Variants in GABRG3 observed in about 807,000 individuals in gnomAD.
GABRG3 encodes the protein gamma-aminobutyric acid type A receptor subunit gamma3, also known as gamma-aminobutyric acid receptor subunit gamma-3.
A neutral mutation model predicts 48.8 loss-of-function variants in GABRG3; 25 were observed. The ratio of observed to expected loss-of-function variants is 0.51; its 90% CI spans 0.37 to 0.72. The LOEUF is 0.72. Ranked by LOEUF, GABRG3 falls within the 30% of genes least tolerant of loss-of-function variation. The probability of loss-of-function intolerance (pLI) is 0.00; values close to 1 mark genes in which losing one functional copy is unlikely to be tolerated. For missense variants in GABRG3, 394 were observed against 577.9 expected, an observed-to-expected ratio of 0.68 and a Z score of 3.26; for synonymous variants, 227 against 217.6, an observed-to-expected ratio of 1.04 and a Z score of -0.38.
chr15:27,111,858 C>G (rs926469110), intron 3 of GABRG3, among the ~76,000 whole-genome samples: 2 of 152,126 alleles, frequency 1.3e-5, no homozygotes, highest in Non-Finnish European at 2.9e-5. Flanking sequence ...CCTCCATTCC[C>G]CAGGGTGGGA....
At chr15:27,201,744 G>T (rs1217511172) in intron 3 of GABRG3, among the ~76,000 whole-genome samples, 1 of 151,972 alleles carries the variant, frequency 6.6e-6, no homozygotes, top group Non-Finnish European at 1.5e-5. Context: ...TTTATAATCG[G>T]AACAATAATG....
At chr15:27,426,558 T>C (rs991218953) in intron 5 of GABRG3, among the ~76,000 whole-genome samples, 3 of 152,126 alleles carry the variant, frequency 2.0e-5, no homozygotes, top group African/African-American at 4.8e-5. Context: ...CTCATGCCAG[T>C]AATCCCAGCA....
chr15:27,138,516 C>T (rs1898048400), intron 3 of GABRG3, among the ~76,000 whole-genome samples: 1 of 152,188 alleles, frequency 6.6e-6, no homozygotes, highest in Non-Finnish European at 1.5e-5. Flanking sequence ...TAAAATATGT[C>T]TCCACAGAGT....
chr15:27,098,339 C>T (rs1897300085), intron 3 of GABRG3, among the ~76,000 whole-genome samples: 1 of 152,214 alleles, frequency 6.6e-6, no homozygotes, highest in South Asian at 2.1e-4. Context: ...GAGGCTGATA[C>T]AGGAGAATTG....
chr15:27,214,593 G>T (rs191062518), intron 3 of GABRG3, among the ~76,000 whole-genome samples: 2 of 152,106 alleles, frequency 1.3e-5, no homozygotes, highest in Admixed American at 1.3e-4. Context: ...AAATGAATTA[G>T]AAGGTTAAAT....
At chr15:27,080,210 G>A (rs1160227955) in intron 3 of GABRG3, among the ~76,000 whole-genome samples, 1 of 152,134 alleles carries the variant, frequency 6.6e-6, no homozygotes, top group Admixed American at 6.5e-5. Context: ...CAGCTACTGG[G>A]AAACTGAGGC....
At chr15:27,475,045 G>T (rs570243578) in intron 5 of GABRG3, among the ~76,000 whole-genome samples, 1 of 152,100 alleles carries the variant, frequency 6.6e-6, no homozygotes, top group Non-Finnish European at 1.5e-5. Context: ...CAGGAGAATC[G>T]CTTGAACCTG....
At chr15:27,177,507 AG>A (rs1391881419) in intron 3 of GABRG3, among the ~76,000 whole-genome samples, 1 of 152,170 alleles carries the variant, frequency 6.6e-6, no homozygotes, top group Non-Finnish European at 1.5e-5. Flanking sequence ...TAGCCCCCAG[AG>A]GGGGTCAGTT....
intron 3 of GABRG3, among the ~76,000 whole-genome samples, chr15:27,097,458 TCTCCTTCC>T (rs1025576502): frequency 3.3e-5 from 5 of 152,208 alleles, no homozygotes; most frequent in Non-Finnish European, 5.9e-5. Flanking sequence ...TTTTACCTTC[TCTCCTTCC>T]CTCCTTCCCT....
chr15:27,189,829 T>C (rs1357506411), intron 3 of GABRG3, among the ~76,000 whole-genome samples: 1 of 152,070 alleles, frequency 6.6e-6, no homozygotes, highest in Non-Finnish European at 1.5e-5. Context: ...TGCTTCCAGT[T>C]TTTGCCCATT....
chr15:26,994,894 A>G (rs1895311814), intron 2 of GABRG3, among the ~76,000 whole-genome samples: 1 of 151,998 alleles, frequency 6.6e-6, no homozygotes, highest in South Asian at 2.1e-4. Context: ...CCGTCCCCTA[A>G]AATGTTCTAT....
chr15:27,077,726 C>T (rs1192323747), intron 3 of GABRG3, among the ~76,000 whole-genome samples: 1 of 152,188 alleles, frequency 6.6e-6, no homozygotes, highest in Non-Finnish European at 1.5e-5. Context: ...TAATGCTCCC[C>T]TGATCTCTCT....
At chr15:27,532,333 C>T (rs1193909152) in intron 9 of GABRG3, among the ~76,000 whole-genome samples, 1 of 151,642 alleles carries the variant, frequency 6.6e-6, no homozygotes, top group Non-Finnish European at 1.5e-5. Context: ...AGTCCCCCTC[C>T]CTCTGCCTCT....
intron 3 of GABRG3, among the ~76,000 whole-genome samples, chr15:27,211,130 CA>C (rs1889066063): frequency 6.6e-6 from 1 of 152,162 alleles, no homozygotes; most frequent in Non-Finnish European, 1.5e-5. Context: ...CTTGGCAGGC[CA>C]GCATCTTGAA....
At chr15:27,361,581 C>A (rs1194336904) in intron 5 of GABRG3, among the ~76,000 whole-genome samples, 2 of 152,304 alleles carry the variant, frequency 1.3e-5, no homozygotes, top group Non-Finnish European at 2.9e-5. Flanking sequence ...GCTCCCCTGC[C>A]AGAGAAGACT....
chr15:27,064,261 A>G (rs878921), intron 3 of GABRG3, among the ~76,000 whole-genome samples: 60,978 of 152,018 alleles, frequency 0.4, 12,438 homozygotes, highest in East Asian at 0.54. Flanking sequence ...GCAGATGGCC[A>G]CACGTCACTC....
At chr15:27,508,588 A>G (rs1047486820) in intron 6 of GABRG3, among the ~76,000 whole-genome samples, 7 of 152,192 alleles carry the variant, frequency 4.6e-5, no homozygotes, top group African/African-American at 7.2e-5. Flanking sequence ...CTTTGCATGT[A>G]TGCAAGTTTC....
At position 27,236,190 on chromosome 15, in the gene GABRG3, G is replaced by A. The variant is rs138110614; in HGVS notation, c.271-90619G>A. Among the ~76,000 whole-genome samples the A allele has an allele frequency of 8.5e-5, 13 of 152,296 alleles. No homozygotes were observed. The East Asian group carries it at 2.1e-3, about 25-fold the overall frequency. On this transcript the variant is annotated intron_variant, in intron 3 of 9. Transcript: ENST00000615808. The surrounding 1 kb of genome is among the most constrained non-coding windows in gnomAD (Gnocchi z 4.4). ...TAAACCGTGTCCGGCGTACATGGAAGCATCTCAGGAGGAAGCCTGCTTATC... is the reference window on the plus strand; with the variant it reads ...TAAACCGTGTCCGGCGTACATGGAAACATCTCAGGAGGAAGCCTGCTTATC...
chr15:27,457,094 C>T lies in GABRG3; in HGVS notation c.575-23556C>T, dbSNP rs1015200008. On this transcript the variant is annotated intron_variant, in intron 5 of 9. Transcript: ENST00000615808. The surrounding 1 kb of genome is among the most constrained non-coding windows in gnomAD (Gnocchi z 4.4). Reference sequence around the variant, plus strand: ...GGGGAGCTGCAGGCCTCACCTTCTCCAGCAGCTTGACACCAACACGGTGGG... The same window carrying T: ...GGGGAGCTGCAGGCCTCACCTTCTCTAGCAGCTTGACACCAACACGGTGGG... Among the ~76,000 whole-genome samples the T allele has an allele frequency of 2.6e-5, 4 of 152,154 alleles. No individual in the cohort carries two copies. Among genetic ancestry groups the T allele is most frequent in the Admixed American group, 6.5e-5 (1 of 15,288 alleles).
Sources: allele counts gnomAD v4.1 joint callset (sites outside exome capture counted in the v4.1 genomes callset), GRCh38; gene constraint gnomAD v4.1.1; non-coding constraint Gnocchi (gnomAD v3.1); transcripts MANE v1.5; gene names NCBI Gene and HGNC (gene_info 2026-07-23, HGNC 2026-07-21).